Variants in FRS2 observed in about 807,000 individuals in gnomAD.
The protein encoded by FRS2 is FGFR signalling adaptor.
A neutral mutation model predicts 43.9 loss-of-function variants in FRS2; 8 were observed. That is an observed-to-expected ratio of 0.18 (90% confidence interval 0.11 to 0.33). The LOEUF (loss-of-function observed/expected upper bound fraction) is 0.33. FRS2 is among the 10% of genes least tolerant of loss of function. The pLI, the probability that FRS2 is intolerant of heterozygous loss-of-function variation, is 1.00. For missense variants in FRS2, 534 were observed against 627.6 expected (o/e 0.85, Z 1.59); for synonymous variants, 219 against 220.3 (o/e 0.99, Z 0.05).
rs1881350666 is a variant in FRS2 at position 69,578,700 on chromosome 12, T to C, written c.*3745T>C. 1 of 152,672 alleles carries C rather than the reference T, an allele frequency of 6.5e-6. No individual in the cohort carries two copies. The highest frequency in any genetic ancestry group is 1.5e-5 in the Non-Finnish European group (1 of 68,028). The allele number at this position is 152,672 out of a possible 1,614,324, so 9.5% of individuals were successfully genotyped here. A position where few individuals can be genotyped will look rare whatever the true frequency, so the allele number is the denominator to read the frequency against. ...GTGTTATGTTTTATTTTCATTACATTGTATAATATTGTAAGACTATTGTAT... is the reference window on the plus strand; with the variant it reads ...GTGTTATGTTTTATTTTCATTACATCGTATAATATTGTAAGACTATTGTAT... On this transcript the variant is annotated 3_prime_UTR_variant, in exon 9 of 9. Transcript: ENST00000549921.
intron 5 of FRS2, 83 bp from the exon 6 acceptor site, chr12:69,570,248 A>T (rs1880634908): frequency 1.9e-6 from 2 of 1,027,108 alleles, no homozygotes; most frequent in East Asian, 4.8e-5. Context: ...TGAACTAACA[A>T]ATTACAAATA....
At chr12:69,524,893 A>G (rs906352995) in intron 1 of FRS2, among the ~76,000 whole-genome samples, 1 of 151,884 alleles carries the variant, frequency 6.6e-6, no homozygotes, top group African/African-American at 2.4e-5. Flanking sequence ...TGCCTGTTCA[A>G]CTCACCCCTT....
intron 1 of FRS2, among the ~76,000 whole-genome samples, chr12:69,513,172 A>G (rs1262202480): frequency 6.8e-6 from 1 of 145,986 alleles, no homozygotes; most frequent in East Asian, 2.0e-4. Context: ...TTGACCTTTT[A>G]ATACATTGGA....
chr12:69,516,693 A>G (rs1015897431), intron 1 of FRS2, among the ~76,000 whole-genome samples: 1 of 152,162 alleles, frequency 6.6e-6, no homozygotes, highest in South Asian at 2.1e-4. Flanking sequence ...TTTTGTCCTT[A>G]TCTCCATCTG....
intron 1 of FRS2, among the ~76,000 whole-genome samples, chr12:69,470,926 C>T (rs1483179331): frequency 6.6e-6 from 1 of 152,156 alleles, no homozygotes; most frequent in Non-Finnish European, 1.5e-5. Flanking sequence ...CAGTTCCCGA[C>T]TTTTCGCCTC....
intron 1 of FRS2, among the ~76,000 whole-genome samples, chr12:69,517,386 T>TA (rs1875165913): frequency 6.6e-6 from 1 of 152,230 alleles, no homozygotes; most frequent in Non-Finnish European, 1.5e-5. Context: ...TATGCAGATA[T>TA]TCCAAAATCT....
rs186276975 is a variant in FRS2, at chr12:69,547,442, A to G, written c.-121-14738A>G. ...ACATCACTGCCCTCCTGCCTAGTTG[A>G]CAGAGTGAGACCCTGTCTCAAAAAG... On this transcript the variant is annotated intron_variant, in intron 3 of 8. Coordinates refer to ENST00000549921, the MANE Select transcript of FRS2 (RefSeq NM_001278356.2). 3.3e-5 allele frequency among the ~76,000 whole-genome samples: 5 copies of G among 152,312 alleles called. No individual in the cohort carries two copies. In the East Asian group the frequency reaches 9.6e-4, roughly 29 times the overall value.
At chr12:69,559,607 T>C (rs911485357) in intron 3 of FRS2, among the ~76,000 whole-genome samples, 2 of 152,216 alleles carry the variant, frequency 1.3e-5, no homozygotes, top group Non-Finnish European at 2.9e-5. Context: ...CAGATGTCCT[T>C]GCTTTTGACA....
At chr12:69,471,277 G>A (rs1592893851) in intron 1 of FRS2, among the ~76,000 whole-genome samples, 1 of 149,744 alleles carries the variant, frequency 6.7e-6, no homozygotes, top group African/African-American at 2.5e-5. Flanking sequence ...AAAAAAAAAA[G>A]ATGCTTTTCT....
At chr12:69,537,013 T>C (rs569969513) in intron 3 of FRS2, among the ~76,000 whole-genome samples, 2 of 152,320 alleles carry the variant, frequency 1.3e-5, no homozygotes, top group East Asian at 1.9e-4. Context: ...GCATGTATAC[T>C]TGTTTATAAT....
chr12:69,495,141 T>G (rs1482772635), intron 1 of FRS2, among the ~76,000 whole-genome samples: 1 of 152,196 alleles, frequency 6.6e-6, no homozygotes, highest in Non-Finnish European at 1.5e-5. Flanking sequence ...CTTAAAAGTT[T>G]CGTGGGAGCT....
At chr12:69,493,801 T>C (rs1014408647) in intron 1 of FRS2, among the ~76,000 whole-genome samples, 3 of 152,234 alleles carry the variant, frequency 2.0e-5, no homozygotes, top group African/African-American at 7.2e-5. Flanking sequence ...TTTTGATGTT[T>C]GTGCGTTAAG....
At chr12:69,569,929 T>A (rs1361835341) in intron 5 of FRS2, among the ~76,000 whole-genome samples, 2 of 152,246 alleles carry the variant, frequency 1.3e-5, no homozygotes, top group African/African-American at 4.8e-5. Flanking sequence ...GTCTTTATGA[T>A]GTCCCTTTAT....
chr12:69,471,837 T>C (rs928674448), intron 1 of FRS2, among the ~76,000 whole-genome samples: 2 of 148,392 alleles, frequency 1.3e-5, no homozygotes, highest in Non-Finnish European at 3.0e-5. Context: ...GTGTGTAGAT[T>C]AGGGTTTATT....
At chr12:69,512,320 C>A (rs1762710475) in intron 1 of FRS2, among the ~76,000 whole-genome samples, 1 of 152,046 alleles carries the variant, frequency 6.6e-6, no homozygotes, top group African/African-American at 2.4e-5. Flanking sequence ...TCAGAGCTAG[C>A]CTTAGGACCT....
At chr12:69,472,025 A>C (rs976743625) in intron 1 of FRS2, among the ~76,000 whole-genome samples, 1 of 152,182 alleles carries the variant, frequency 6.6e-6, no homozygotes, top group Non-Finnish European at 1.5e-5. Flanking sequence ...TGATTTTTAA[A>C]GTCCTTGGAA....
intron 1 of FRS2, among the ~76,000 whole-genome samples, chr12:69,494,930 C>T (rs900501138): frequency 8.6e-5 from 13 of 152,040 alleles, no homozygotes; most frequent in African/African-American, 2.4e-4. Context: ...CCCACCATCA[C>T]GCCCAGCTAA....
At chr12:69,549,291 A>G (rs75813959) in intron 3 of FRS2, among the ~76,000 whole-genome samples, 1 of 152,166 alleles carries the variant, frequency 6.6e-6, no homozygotes, top group Non-Finnish European at 1.5e-5. Context: ...AATTAATTGA[A>G]TATAATATTT....
intron 3 of FRS2, among the ~76,000 whole-genome samples, chr12:69,553,207 G>T (rs1012925476): frequency 1.3e-5 from 2 of 152,002 alleles, no homozygotes; most frequent in African/African-American, 4.8e-5. Flanking sequence ...GAGTAGTTGG[G>T]ATTACAGGCG....
Sources: allele counts gnomAD v4.1 joint callset (sites outside exome capture counted in the v4.1 genomes callset), GRCh38; gene constraint gnomAD v4.1.1; transcripts MANE v1.5; gene names NCBI Gene and HGNC (gene_info 2026-07-23, HGNC 2026-07-21).